Variants in ONECUT2 observed in about 807,000 individuals in gnomAD.
ONECUT2 encodes the protein one cut domain family member 2.
In ONECUT2, 10 loss-of-function variants were observed where a neutral mutation model predicts 27.9. The observed-to-expected ratio is 0.36, with a 90% CI of 0.22 to 0.61. The LOEUF (loss-of-function observed/expected upper bound fraction) is 0.61, where lower values mean the gene tolerates loss of function less well. ONECUT2 is among the 20% of genes least tolerant of loss of function. ONECUT2 has a pLI of 0.73. For missense variants in ONECUT2, 686 were observed against 721.0 expected (o/e 0.95, Z 0.56); for synonymous variants, 334 against 315.1 (o/e 1.06, Z -0.64).
chr18:57,460,203 G>A (rs615180), intron 1 of ONECUT2, among the ~76,000 whole-genome samples: 17,194 of 152,110 alleles, frequency 0.11, 1,030 homozygotes, highest in Middle Eastern at 0.21. Flanking sequence ...GGTTATAGGC[G>A]TGAGCCACCA....
At chr18:57,459,929 A>T (rs1484070873) in intron 1 of ONECUT2, among the ~76,000 whole-genome samples, 1 of 151,394 alleles carries the variant, frequency 6.6e-6, no homozygotes, top group African/African-American at 2.4e-5. Flanking sequence ...TATTTATTTT[A>T]TTTATTTTTT....
chr18:57,467,372 GT>G (rs1341272553), intron 1 of ONECUT2, among the ~76,000 whole-genome samples: 2 of 146,964 alleles, frequency 1.4e-5, no homozygotes, highest in Admixed American at 6.8e-5. Context: ...TTGTTTGTTT[GT>G]TTTTTTTCCT....
intron 1 of ONECUT2, among the ~76,000 whole-genome samples, chr18:57,444,184 G>C (rs1013427665): frequency 6.6e-6 from 1 of 152,212 alleles, no homozygotes; most frequent in African/African-American, 2.4e-5. Flanking sequence ...AGCATTCCTA[G>C]AGCATAAATA....
chr18:57,446,590 G>A (rs2050201472), intron 1 of ONECUT2, among the ~76,000 whole-genome samples: 1 of 152,160 alleles, frequency 6.6e-6, no homozygotes, highest in Non-Finnish European at 1.5e-5. Context: ...CAAGGTCCAA[G>A]CCCCTTCCTT....
At chr18:57,471,477 C>T (rs1052680336) in intron 1 of ONECUT2, among the ~76,000 whole-genome samples, 2 of 152,192 alleles carry the variant, frequency 1.3e-5, no homozygotes, top group African/African-American at 2.4e-5. Context: ...CTGTGTCTGA[C>T]CTCCTGAGGG....
chr18:57,486,138 C>G lies in ONECUT2; in HGVS notation c.*9415C>G, dbSNP rs1190150299. The G allele has an allele frequency of 6.5e-6, 1 of 152,766 alleles. No individual in the cohort carries two copies. Among genetic ancestry groups the G allele is most frequent in the African/African-American group, 2.4e-5 (1 of 41,440 alleles). The allele number at this position is 152,766 out of a possible 1,614,324, so 9.5% of individuals were successfully genotyped here. A position where few individuals can be genotyped will look rare whatever the true frequency, so the allele number is the denominator to read the frequency against. On this transcript the variant is annotated 3_prime_UTR_variant, in exon 2 of 2. Transcript: ENST00000491143. ...CAGAAAACATCCCCACTTGGCAGAC[C>G]TCTCCTCAGCAATCCCCCCAGCCTC...
chr18:57,447,547 C>T (rs2050207341), intron 1 of ONECUT2, among the ~76,000 whole-genome samples: 1 of 152,176 alleles, frequency 6.6e-6, no homozygotes. Context: ...AGAGGAAGAG[C>T]ATTACCACCG....
At chr18:57,462,668 A>G (rs11661146) in intron 1 of ONECUT2, among the ~76,000 whole-genome samples, 6,645 of 148,638 alleles carry the variant, frequency 0.045, 577 homozygotes, top group East Asian at 0.37. Flanking sequence ...GTACTTTTTG[A>G]GTACTAAGAA....
At chr18:57,465,963 C>G (rs370836908) in intron 1 of ONECUT2, among the ~76,000 whole-genome samples, 1 of 152,196 alleles carries the variant, frequency 6.6e-6, no homozygotes, top group African/African-American at 2.4e-5. Flanking sequence ...GGAATACACA[C>G]GACAACCCCC....
chr18:57,439,839 G>C (rs2050164554), intron 1 of ONECUT2, among the ~76,000 whole-genome samples: 1 of 152,184 alleles, frequency 6.6e-6, no homozygotes, highest in Admixed American at 6.5e-5. Context: ...TAGGTTATAG[G>C]TTCCCTTTCT....
At position 57,472,038 on chromosome 18, in the gene ONECUT2, C is replaced by A. The variant is rs149391286; in HGVS notation, c.1229-4399C>A. Among the ~76,000 whole-genome samples the A allele has an allele frequency of 8.8e-3, 1,341 of 152,322 alleles. 10 individuals are homozygous for A. Among genetic ancestry groups the A allele is most frequent in the Non-Finnish European group, 0.014 (965 of 68,028 alleles). Reference sequence around the variant, plus strand: ...AATGGTCTAGACAGGGCTGGGCTAACCTTGCACCTTCCGTGGCAGAACTGG... The same window carrying A: ...AATGGTCTAGACAGGGCTGGGCTAAACTTGCACCTTCCGTGGCAGAACTGG... On this transcript the variant is annotated intron_variant, in intron 1 of 1. Coordinates refer to ENST00000491143, the MANE Select transcript of ONECUT2 (RefSeq NM_004852.3).
At position 57,479,301 on chromosome 18, in the gene ONECUT2, T is replaced by A. The variant is rs1193166388; in HGVS notation, c.*2578T>A. On this transcript the variant is annotated 3_prime_UTR_variant, in exon 2 of 2. Transcript: ENST00000491143. ...CAGTTTCTACTTTTCTATTAGCTTT[T>A]TAAAAATCAGCTGTAAAGTTGCATT... The A allele has an allele frequency of 6.6e-6, 1 of 152,462 alleles. No homozygotes were observed. Among genetic ancestry groups the A allele is most frequent in the African/African-American group, 2.4e-5 (1 of 41,454 alleles). 9.4% of individuals were successfully genotyped at this position (152,462 alleles called of 1,614,324 possible). A position where few individuals can be genotyped will look rare whatever the true frequency, so the allele number is the denominator to read the frequency against.
intron 1 of ONECUT2, among the ~76,000 whole-genome samples, chr18:57,438,297 C>T (rs930887449): frequency 6.6e-6 from 1 of 152,230 alleles, no homozygotes; most frequent in Admixed American, 6.5e-5. Context: ...TGGGCGACTT[C>T]CCATGGATCG....
At chr18:57,442,242 GGGTTTTT>G (rs1305222551) in intron 1 of ONECUT2, among the ~76,000 whole-genome samples, 7 of 98,564 alleles carry the variant, frequency 7.1e-5, no homozygotes, top group Admixed American at 3.0e-4. Flanking sequence ...TAATTCTTCT[GGGTTTTT>G]TTTTTTTTTT....
chr18:57,465,981 T>C (rs542864112), intron 1 of ONECUT2, among the ~76,000 whole-genome samples: 113 of 152,356 alleles, frequency 7.4e-4, no homozygotes, highest in African/African-American at 2.6e-3. Flanking sequence ...CCCGGTATAC[T>C]GCACATCGAG....
intron 1 of ONECUT2, among the ~76,000 whole-genome samples, chr18:57,474,120 G>C (rs1414883761): frequency 6.6e-6 from 1 of 152,176 alleles, no homozygotes; most frequent in African/African-American, 2.4e-5. Flanking sequence ...TTAGAAATGA[G>C]AGAAGGAAAA....
intron 1 of ONECUT2, among the ~76,000 whole-genome samples, chr18:57,452,581 T>C (rs1018212997): frequency 6.6e-6 from 1 of 152,138 alleles, no homozygotes; most frequent in South Asian, 2.1e-4. Context: ...CCCACCACTA[T>C]GCCCAGCTAA....
chr18:57,476,852 T>G lies in ONECUT2; in HGVS notation c.*129T>G. On this transcript the variant is annotated 3_prime_UTR_variant, in exon 2 of 2. Transcript: ENST00000491143. ...CTGGTGATTTGAAAGCACAATTCTC[T>G]TGCAAAGAAACTTATATTCTAGCTG... is the stretch of plus-strand genomic sequence containing the variant. The G allele has an allele frequency of 1.5e-5, 16 of 1,050,998 alleles. No individual in the cohort carries two copies. The highest frequency in any genetic ancestry group is 2.6e-5 in the East Asian group (1 of 38,458). The allele number at this position is 1,050,998 out of a possible 1,614,324, so 65.1% of individuals were successfully genotyped here.
intron 1 of ONECUT2, among the ~76,000 whole-genome samples, chr18:57,446,119 G>A (rs2050199502): frequency 6.6e-6 from 1 of 152,264 alleles, no homozygotes; most frequent in Admixed American, 6.5e-5. Context: ...TGGTAGGAAG[G>A]TTGGGGTCGC....
Sources: gnomAD v4.1 joint callset for allele counts (sites outside exome capture counted in the v4.1 genomes callset) on GRCh38, gnomAD v4.1.1 for gene constraint, MANE v1.5 for transcripts, NCBI Gene and HGNC (gene_info 2026-07-23, HGNC 2026-07-21) for gene names.